The following PTPRQ variants were observed in gnomAD, a reference collection of about 807,000 sequenced individuals.
PTPRQ encodes phosphatidylinositol phosphatase PTPRQ.
In PTPRQ, 199 loss-of-function variants were observed where a neutral mutation model predicts 246.0. That is an observed-to-expected ratio of 0.81 (90% confidence interval 0.72 to 0.91). The LOEUF (loss-of-function observed/expected upper bound fraction) is 0.91. Ranked by LOEUF, PTPRQ falls within the 40% of genes least tolerant of loss-of-function variation. PTPRQ has a pLI of 0.00. For missense variants in PTPRQ, 2,624 were observed against 2,528.4 expected, an observed-to-expected ratio of 1.04 and a Z score of -0.81; for synonymous variants, 869 against 853.2, an observed-to-expected ratio of 1.02 and a Z score of -0.32.
intron 28 of PTPRQ, among the ~76,000 whole-genome samples, chr12:80,611,548 T>C (rs1898551164): frequency 6.7e-6 from 1 of 150,370 alleles, no homozygotes; most frequent in Non-Finnish European, 1.5e-5. Flanking sequence ...ATTATGCTTT[T>C]TACTTCTCAA....
intron 25 of PTPRQ, among the ~76,000 whole-genome samples, chr12:80,570,188 C>T (rs546336394): frequency 1.6e-4 from 24 of 152,322 alleles, no homozygotes; most frequent in African/African-American, 5.5e-4. Context: ...AACTAATTTA[C>T]ACTCCTACGA....
chr12:80,658,922 T>A (rs146745812), intron 39 of PTPRQ, among the ~76,000 whole-genome samples: 1 of 152,126 alleles, frequency 6.6e-6, no homozygotes, highest in East Asian at 1.9e-4. Context: ...GTTCCACCCT[T>A]TCTCCAACGT....
intron 4 of PTPRQ, among the ~76,000 whole-genome samples, chr12:80,458,966 C>G (rs1325192893): frequency 2.6e-5 from 4 of 151,910 alleles, no homozygotes; most frequent in Non-Finnish European, 5.9e-5. Context: ...ACTACATATT[C>G]CAAAATAGTT....
At chr12:80,575,451 T>C (rs918997934) in intron 25 of PTPRQ, among the ~76,000 whole-genome samples, 1 of 150,800 alleles carries the variant, frequency 6.6e-6, no homozygotes, top group East Asian at 1.9e-4. Context: ...AGAGTGGTGG[T>C]GTGTGCCTGT....
At chr12:80,663,717 C>T (rs1900701697) in intron 39 of PTPRQ, among the ~76,000 whole-genome samples, 1 of 151,956 alleles carries the variant, frequency 6.6e-6, no homozygotes, top group Non-Finnish European at 1.5e-5. Flanking sequence ...TCTTCTCTTG[C>T]AGTGACTTGC....
At chr12:80,630,602 C>T (rs1201022414) in intron 33 of PTPRQ, among the ~76,000 whole-genome samples, 2 of 152,058 alleles carry the variant, frequency 1.3e-5, no homozygotes, top group Admixed American at 6.6e-5. Context: ...ATCTATACAG[C>T]GATATTTTGT....
At chr12:80,661,851 C>T (rs1465418689) in intron 39 of PTPRQ, among the ~76,000 whole-genome samples, 1 of 151,732 alleles carries the variant, frequency 6.6e-6, no homozygotes, top group Non-Finnish European at 1.5e-5. Flanking sequence ...ATTTCACATT[C>T]CTTATTTTAC....
intron 26 of PTPRQ, among the ~76,000 whole-genome samples, chr12:80,594,279 G>T (rs1897898206): frequency 2.0e-5 from 3 of 152,184 alleles, no homozygotes; most frequent in South Asian, 4.2e-4. Context: ...TTATATAATG[G>T]TAAGAAGTGA....
chr12:80,523,816 T>G (rs191625743), intron 17 of PTPRQ, among the ~76,000 whole-genome samples: 17 of 152,336 alleles, frequency 1.1e-4, no homozygotes, highest in African/African-American at 1.7e-4. Flanking sequence ...AGGTGTGGTG[T>G]TGTGCTGAAA....
rs564113923 is a variant in PTPRQ at position 80,517,334 on chromosome 12, C to T, written c.2678+6891C>T. Among the ~76,000 whole-genome samples the T allele has an allele frequency of 2.0e-5, 3 of 151,962 alleles. No homozygotes were observed. In the South Asian group the frequency reaches 6.2e-4, roughly 32 times the overall value. On this transcript the variant is annotated intron_variant, in intron 17 of 44. Transcript: ENST00000644991. ...ATTTGCTTAGTTGTTTACCGTGATT[C>T]CCATCACACCCTCTTATTTCATTTT...
intron 9 of PTPRQ, among the ~76,000 whole-genome samples, chr12:80,487,399 G>A (rs528355684): frequency 7.2e-5 from 11 of 152,166 alleles, no homozygotes; most frequent in African/African-American, 2.6e-4. Context: ...TCAAGAATAA[G>A]GCCTAAAGAG....
Position 80,461,704 on chromosome 12 carries a change from G to A in PTPRQ, c.910+802G>A, listed in dbSNP as rs1454086843. Among the ~76,000 whole-genome samples the A allele has an allele frequency of 1.1e-4, 16 of 148,658 alleles. No individual in the cohort carries two copies. In the East Asian group the frequency reaches 3.1e-3, roughly 29 times the overall value. ...AATTTCTGAGGTATTGAAAATTATT[G>A]GTAGGGTAATTTCACTAAAGCATGT... On this transcript the variant is annotated intron_variant, in intron 6 of 44. Transcript: ENST00000644991.
At chr12:80,493,221 A>T in intron 9 of PTPRQ, 54 bp from the exon 10 acceptor site, 1 of 1,358,768 alleles carries the variant, frequency 7.4e-7, no homozygotes, top group Admixed American at 3.3e-5. Context: ...TACTTGATTT[A>T]AGTCATGAAG....
chr12:80,458,403 C>G (rs1258637662), intron 4 of PTPRQ, among the ~76,000 whole-genome samples: 1 of 152,098 alleles, frequency 6.6e-6, no homozygotes, highest in Admixed American at 6.5e-5. Context: ...TATAGACCTC[C>G]TTCCAAAGAT....
chr12:80,671,264 C>T (rs1900961066), intron 42 of PTPRQ, among the ~76,000 whole-genome samples: 1 of 151,736 alleles, frequency 6.6e-6, no homozygotes, highest in African/African-American at 2.4e-5. Context: ...AAGTAAAAGC[C>T]TCATTTTTAC....
chr12:80,566,601 A>T (rs2120937763), intron 25 of PTPRQ, among the ~76,000 whole-genome samples: 1 of 152,206 alleles, frequency 6.6e-6, no homozygotes, highest in East Asian at 1.9e-4. Context: ...ATGCAGTGGC[A>T]CCATCACAGC....
At chr12:80,522,174 G>T (rs2120759212) in intron 17 of PTPRQ, among the ~76,000 whole-genome samples, 1 of 152,140 alleles carries the variant, frequency 6.6e-6, no homozygotes, top group African/African-American at 2.4e-5. Flanking sequence ...GTCTGTTATT[G>T]GTATATAAGA....
chr12:80,626,683 T>C (rs533429989), intron 33 of PTPRQ, among the ~76,000 whole-genome samples: 1 of 152,294 alleles, frequency 6.6e-6, no homozygotes, highest in East Asian at 1.9e-4. Context: ...GTCAGTGCTG[T>C]ACTTGTAACC....
chr12:80,478,690 T>C (rs1893915012), intron 8 of PTPRQ, among the ~76,000 whole-genome samples: 2 of 152,158 alleles, frequency 1.3e-5, no homozygotes, highest in Admixed American at 6.5e-5. Flanking sequence ...AAGGAGCTGA[T>C]GGAACTTATA....
Sources: gnomAD v4.1 joint callset for allele counts (sites outside exome capture counted in the v4.1 genomes callset) on GRCh38, gnomAD v4.1.1 for gene constraint, MANE v1.5 for transcripts, NCBI Gene and HGNC (gene_info 2026-07-23, HGNC 2026-07-21) for gene names.